The following ANOS1 variants were observed in gnomAD, a reference collection of about 807,000 sequenced individuals.
ANOS1 encodes anosmin 1.
In ANOS1, 6 loss-of-function variants were observed where a neutral mutation model predicts 59.0. The ratio of observed to expected loss-of-function variants is 0.10; its 90% CI spans 0.06 to 0.20. ANOS1 has a LOEUF of 0.20. Ranked by LOEUF, ANOS1 falls within the 10% of genes least tolerant of loss-of-function variation. The probability of loss-of-function intolerance (pLI) is 1.00; values close to 1 mark genes in which losing one functional copy is unlikely to be tolerated. For missense variants in ANOS1, 433 were observed against 542.3 expected, an observed-to-expected ratio of 0.80 and a Z score of 2.00; for synonymous variants, 217 against 223.4, an observed-to-expected ratio of 0.97 and a Z score of 0.25.
At chrX:8,729,742 A>G (rs1246684048) in intron 1 of ANOS1, among the ~76,000 whole-genome samples, 6 of 103,619 alleles carry the variant, frequency 5.8e-5, no homozygotes, top group African/African-American at 1.8e-4. Flanking sequence ...AAAAAAAAGG[A>G]AGGCAAGCGG....
chrX:8,623,886 A>G (rs1931341247), intron 2 of ANOS1, among the ~76,000 whole-genome samples: 1 of 111,625 alleles, frequency 9.0e-6, no homozygotes, highest in South Asian at 3.7e-4. Flanking sequence ...TTTCAACACA[A>G]TTGGAAAGGA....
chrX:8,628,037 A>G (rs1199330825), intron 2 of ANOS1, among the ~76,000 whole-genome samples: 1 of 111,319 alleles, frequency 9.0e-6, no homozygotes, highest in Non-Finnish European at 1.9e-5. Flanking sequence ...TACAGGTCAC[A>G]AAGACCCCAG....
At chrX:8,623,912 G>A (rs187768021) in intron 2 of ANOS1, among the ~76,000 whole-genome samples, 115 of 111,047 alleles carry the variant, frequency 1.0e-3, no homozygotes, top group African/African-American at 3.4e-3. Context: ...TACAGCGCCC[G>A]GCAGTGACTT....
At chrX:8,710,364 A>G (rs1343894641) in intron 1 of ANOS1, among the ~76,000 whole-genome samples, 1 of 111,973 alleles carries the variant, frequency 8.9e-6, no homozygotes, top group Non-Finnish European at 1.9e-5. Context: ...ATTTTCATCA[A>G]TGGGCATTCC....
intron 1 of ANOS1, among the ~76,000 whole-genome samples, chrX:8,722,381 A>C (rs1287115865): frequency 9.0e-6 from 1 of 110,763 alleles, no homozygotes; most frequent in Non-Finnish European, 1.9e-5. Context: ...GGAGTCCCCA[A>C]AGTCCATTGT....
chrX:8,690,251 C>T (rs1932586537), intron 2 of ANOS1, among the ~76,000 whole-genome samples: 1 of 112,008 alleles, frequency 8.9e-6, no homozygotes, highest in Non-Finnish European at 1.9e-5. Context: ...ATTACACAAG[C>T]CTGCACTTCT....
At chrX:8,645,572 T>C (rs757292822) in intron 2 of ANOS1, among the ~76,000 whole-genome samples, 2 of 111,895 alleles carry the variant, frequency 1.8e-5, no homozygotes, top group African/African-American at 3.2e-5. Flanking sequence ...CTCTTTAAGC[T>C]TTGTTGTTGT....
intron 1 of ANOS1, among the ~76,000 whole-genome samples, chrX:8,702,472 T>G (rs1932761909): frequency 9.0e-6 from 1 of 111,651 alleles, no homozygotes; most frequent in Non-Finnish European, 1.9e-5. Context: ...GGCCAGGCAT[T>G]GAGCATGCAG....
Position 8,533,028 on chromosome X carries a change from T to C in ANOS1, c.2010A>G (p.Pro670=). The change falls in exon 14 of 14, where the codon CCA becomes CCG. Residue 670 remains proline, a synonymous_variant. Coordinates refer to ENST00000262648, the MANE Select transcript of ANOS1 (RefSeq NM_000216.4). Reference sequence around the variant, plus strand: ...TTTCTGGAGAAGGCTTGTAATGATGTGGATGACGATGCTTAAGATGAGATC... The same window carrying C: ...TTTCTGGAGAAGGCTTGTAATGATGCGGATGACGATGCTTAAGATGAGATC... ...AHRSHLKHRH[P]HHYKPSPERY 2 of 1,166,530 alleles carry C rather than the reference T, an allele frequency of 1.7e-6. No homozygotes were observed. Among genetic ancestry groups the C allele is most frequent in the Non-Finnish European group, 2.3e-6 (2 of 854,263 alleles).
chrX:8,631,316 T>C lies in ANOS1; in HGVS notation c.256-7646A>G, dbSNP rs1183856554. ...TCCTGAGTTCTAACTATAACCACAGTATCATGCTAAGTGATGGGCCTATGG... is the reference window on the plus strand; with the variant it reads ...TCCTGAGTTCTAACTATAACCACAGCATCATGCTAAGTGATGGGCCTATGG... On this transcript the variant is annotated intron_variant, in intron 2 of 13. Coordinates refer to ENST00000262648, the MANE Select transcript of ANOS1 (RefSeq NM_000216.4). Among the ~76,000 whole-genome samples, 5 of 112,293 alleles carry C rather than the reference T, an allele frequency of 4.5e-5. No homozygotes were observed. In the Admixed American group the frequency reaches 4.7e-4, roughly 11 times the overall value.
intron 8 of ANOS1, chrX:8,566,217 A>G: frequency 1.3e-6 from 1 of 748,777 alleles, no homozygotes; most frequent in Non-Finnish European, 1.6e-6. Flanking sequence ...TTCTGTCTGT[A>G]TGCAACACAC....
intron 9 of ANOS1, among the ~76,000 whole-genome samples, chrX:8,543,589 C>T (rs985958802): frequency 8.1e-5 from 9 of 110,445 alleles, no homozygotes; most frequent in Non-Finnish European, 1.3e-4. Flanking sequence ...TCAGGCCGGG[C>T]GTGGTGGCTC....
intron 3 of ANOS1, 62 bp from the exon 4 acceptor site, chrX:8,597,318 G>C: frequency 1.0e-6 from 1 of 985,477 alleles, no homozygotes; most frequent in Non-Finnish European, 1.4e-6. Flanking sequence ...TGATTTCCAA[G>C]ACATCTGAAA....
At chrX:8,600,422 G>A (rs1930820913) in intron 3 of ANOS1, among the ~76,000 whole-genome samples, 1 of 112,242 alleles carries the variant, frequency 8.9e-6, no homozygotes, top group Non-Finnish European at 1.9e-5. Context: ...AATTAGAATT[G>A]TAGATGTCAT....
chrX:8,728,846 TC>T (rs1382707574), intron 1 of ANOS1, among the ~76,000 whole-genome samples: 2 of 111,935 alleles, frequency 1.8e-5, no homozygotes, highest in African/African-American at 6.5e-5. Context: ...CCCCCATGCC[TC>T]AGTACTGAGT....
chrX:8,629,600 A>G (rs1931452860), intron 2 of ANOS1, among the ~76,000 whole-genome samples: 1 of 111,637 alleles, frequency 9.0e-6, no homozygotes, highest in Non-Finnish European at 1.9e-5. Flanking sequence ...AGCACAACCA[A>G]TAAGACTATT....
At position 8,593,190 on chromosome X, in the gene ANOS1, G is replaced by A. The variant is rs758582950; in HGVS notation, c.541+3844C>T. On this transcript the variant is annotated intron_variant, in intron 4 of 13. Transcript: ENST00000262648. Reference sequence around the variant, plus strand: ...GAAAAACAATTTGCCCACTTAAAGAGTATTGTGAGCATGACAATCTCAGTA... The same window carrying A: ...GAAAAACAATTTGCCCACTTAAAGAATATTGTGAGCATGACAATCTCAGTA... Among the ~76,000 whole-genome samples, 3 of 112,084 alleles carry A rather than the reference G, an allele frequency of 2.7e-5. No individual in the cohort carries two copies. The East Asian group carries it at 8.4e-4, about 31-fold the overall frequency.
chrX:8,616,768 G>A (rs1378482174), intron 3 of ANOS1, among the ~76,000 whole-genome samples: 3 of 111,385 alleles, frequency 2.7e-5, no homozygotes, highest in African/African-American at 9.8e-5. Context: ...ACTCTAGACT[G>A]AGCCACCACT....
At chrX:8,726,181 G>A (rs1050397225) in intron 1 of ANOS1, among the ~76,000 whole-genome samples, 6 of 111,250 alleles carry the variant, frequency 5.4e-5, no homozygotes, top group African/African-American at 9.8e-5. Flanking sequence ...GGGTTTTGAT[G>A]CGCTAATTGT....
Sources: allele counts gnomAD v4.1 joint callset (sites outside exome capture counted in the v4.1 genomes callset), GRCh38; gene constraint gnomAD v4.1.1; transcripts MANE v1.5; gene names NCBI Gene and HGNC (gene_info 2026-07-23, HGNC 2026-07-21).